The following MACROD2 variants were observed in gnomAD, a reference collection of about 807,000 sequenced individuals.
MACROD2 encodes the protein mono-ADP ribosylhydrolase 2, also known as ADP-ribose glycohydrolase MACROD2.
In MACROD2, 36 loss-of-function variants were observed where a neutral mutation model predicts 70.4. The ratio of observed to expected loss-of-function variants is 0.51; its 90% CI spans 0.39 to 0.68. The LOEUF (loss-of-function observed/expected upper bound fraction) is 0.68. MACROD2 is among the 30% of genes least tolerant of loss of function. MACROD2 has a pLI of 0.00. For synonymous variants in MACROD2, 172 were observed against 178.8 expected, an observed-to-expected ratio of 0.96 and a Z score of 0.30; for missense variants, 496 against 538.4, an observed-to-expected ratio of 0.92 and a Z score of 0.78.
At chr20:14,272,816 T>G (rs199908925) in intron 3 of MACROD2, among the ~76,000 whole-genome samples, 8 of 151,888 alleles carry the variant, frequency 5.3e-5, no homozygotes, top group African/African-American at 1.7e-4. Flanking sequence ...CAAGCAAATG[T>G]AAAACAAAAA....
intron 3 of MACROD2, among the ~76,000 whole-genome samples, chr20:14,264,978 C>T (rs1008823522): frequency 6.6e-6 from 1 of 152,196 alleles, no homozygotes; most frequent in African/African-American, 2.4e-5. Context: ...AATTCCTGGT[C>T]TAGGAAGGCT....
chr20:15,670,536 C>T (rs1234015143), intron 8 of MACROD2, among the ~76,000 whole-genome samples: 1 of 152,206 alleles, frequency 6.6e-6, no homozygotes, highest in Non-Finnish European at 1.5e-5. Flanking sequence ...TTGCCTGTTG[C>T]TGTGGCATAT....
intron 3 of MACROD2, among the ~76,000 whole-genome samples, chr20:14,346,023 G>A (rs1299663114): frequency 2.0e-5 from 3 of 149,112 alleles, no homozygotes; most frequent in Non-Finnish European, 3.0e-5. Flanking sequence ...GAACCTGGGA[G>A]GCAGAGCTTG....
intron 3 of MACROD2, among the ~76,000 whole-genome samples, chr20:14,219,042 G>C (rs2081647671): frequency 6.6e-6 from 1 of 152,144 alleles, no homozygotes; most frequent in African/African-American, 2.4e-5. Context: ...TGAATTTCCT[G>C]GGTGTTCTTT....
intron 8 of MACROD2, among the ~76,000 whole-genome samples, chr20:15,733,119 C>G (rs977406707): frequency 6.6e-6 from 1 of 152,106 alleles, no homozygotes; most frequent in Non-Finnish European, 1.5e-5. Context: ...TCCCTTTCAT[C>G]TAAGTTGTCA....
chr20:14,088,852 G>A lies in MACROD2; in HGVS notation c.271+3124G>A, dbSNP rs1045957113. Among the ~76,000 whole-genome samples the A allele has an allele frequency of 6.0e-5, 9 of 151,248 alleles. No homozygotes were observed. In the East Asian group the frequency reaches 1.7e-3, roughly 29 times the overall value. On this transcript the variant is annotated intron_variant, in intron 3 of 17. Coordinates refer to ENST00000684519, the MANE Select transcript of MACROD2 (RefSeq NM_001351661.2). ...TGAATTTGTAGATCTCTGACTAATA[G>A]GACATTCAGCATTGGAAACGACACA...
chr20:15,573,473 C>G (rs1175890248), intron 8 of MACROD2, among the ~76,000 whole-genome samples: 1 of 152,014 alleles, frequency 6.6e-6, no homozygotes, highest in Non-Finnish European at 1.5e-5. Context: ...AGTTTCCTTT[C>G]CTTAGTTCTC....
At chr20:14,405,929 C>T (rs191616722) in intron 3 of MACROD2, among the ~76,000 whole-genome samples, 281 of 152,114 alleles carry the variant, frequency 1.8e-3, no homozygotes, top group African/African-American at 6.3e-3. Flanking sequence ...TAACTTGAGC[C>T]ATTACTGTGG....
intron 8 of MACROD2, among the ~76,000 whole-genome samples, chr20:15,696,500 G>C (rs1245686341): frequency 1.3e-5 from 2 of 152,064 alleles, no homozygotes; most frequent in African/African-American, 4.8e-5. Context: ...TTGGTCTGTA[G>C]TTTTCTTTTT....
chr20:14,096,772 T>C (rs1398165572), intron 3 of MACROD2, among the ~76,000 whole-genome samples: 1 of 152,202 alleles, frequency 6.6e-6, no homozygotes, highest in Non-Finnish European at 1.5e-5. Context: ...TATCTTAACA[T>C]TGCATGTCCT....
intron 5 of MACROD2, among the ~76,000 whole-genome samples, chr20:14,772,749 G>A (rs1029632214): frequency 4.6e-5 from 7 of 152,048 alleles, no homozygotes; most frequent in Non-Finnish European, 8.8e-5. Flanking sequence ...CAGTGAGTCA[G>A]TGCTATTTTT....
intron 5 of MACROD2, among the ~76,000 whole-genome samples, chr20:15,006,279 C>T (rs2075036955): frequency 6.6e-6 from 1 of 151,592 alleles, no homozygotes. Flanking sequence ...TCCATGACCT[C>T]ACTTTAATGT....
rs189784151 is a variant in MACROD2 at position 14,275,002 on chromosome 20, A to G, written c.271+189274A>G. ...AGCGCTCAATGAAATAAAAGAGGAT[A>G]CAAACAAATGGAAGAACATTCCATG... On this transcript the variant is annotated intron_variant, in intron 3 of 17. Transcript: ENST00000684519. Among the ~76,000 whole-genome samples the G allele has an allele frequency of 1.3e-3, 203 of 152,358 alleles. 2 individuals are homozygous for G. Among genetic ancestry groups the G allele is most frequent in the Non-Finnish European group, 2.4e-3 (160 of 68,028 alleles).
rs537676391 is a variant in MACROD2 at position 15,415,492 on chromosome 20, A to T, written c.541-15913A>T. On this transcript the variant is annotated intron_variant, in intron 6 of 17. Transcript: ENST00000684519. ...GAGGGAGAGGAAAAGTGATGGGCAG[A>T]AATCCTTCCACACACTTTAAAGGAA... 3.3e-5 allele frequency among the ~76,000 whole-genome samples: 5 copies of T among 152,356 alleles called. No homozygotes were observed. The South Asian group carries it at 1.0e-3, about 32-fold the overall frequency.
Position 15,467,301 on chromosome 20 carries a change from C to A in MACROD2, c.572-32473C>A, listed in dbSNP as rs575296259. On this transcript the variant is annotated intron_variant, in intron 7 of 17. Coordinates refer to ENST00000684519, the MANE Select transcript of MACROD2 (RefSeq NM_001351661.2). ...CCAAAGTTTCCCAGTGGGCTGTAGC[C>A]CTAGCTGTCCACAGTGGCAACTGCT... is the stretch of plus-strand genomic sequence containing the variant. Among the ~76,000 whole-genome samples the A allele has an allele frequency of 7.9e-4, 120 of 152,340 alleles. 1 individual carries two copies. The highest frequency in any genetic ancestry group is 1.2e-3 in the Non-Finnish European group (84 of 68,042).
intron 4 of MACROD2, among the ~76,000 whole-genome samples, chr20:14,650,481 G>A (rs188803890): frequency 6.6e-6 from 1 of 152,158 alleles, no homozygotes; most frequent in Non-Finnish European, 1.5e-5. Flanking sequence ...AGAATATATG[G>A]CATAAATTAT....
chr20:14,308,985 C>T (rs902263382), intron 3 of MACROD2, among the ~76,000 whole-genome samples: 1 of 152,078 alleles, frequency 6.6e-6, no homozygotes, highest in African/African-American at 2.4e-5. Flanking sequence ...TATGCATATG[C>T]CACCCTTCAC....
At chr20:14,087,358 T>G (rs1268639577) in intron 3 of MACROD2, among the ~76,000 whole-genome samples, 1 of 150,718 alleles carries the variant, frequency 6.6e-6, no homozygotes, top group Admixed American at 6.6e-5. Context: ...ATCATACCAC[T>G]GCACTCCAGC....
chr20:14,913,356 G>A lies in MACROD2; in HGVS notation c.418+228397G>A, dbSNP rs1322669868. Among the ~76,000 whole-genome samples the A allele has an allele frequency of 3.9e-5, 6 of 151,978 alleles. No individual in the cohort carries two copies. The East Asian group carries it at 5.8e-4, about 15-fold the overall frequency. ...TGTACTTTATATCTCAAAGTTTTCC[G>A]ATATCCTTATTTATGTATTATTTTA... On this transcript the variant is annotated intron_variant, in intron 5 of 17. Coordinates refer to ENST00000684519, the MANE Select transcript of MACROD2 (RefSeq NM_001351661.2).
Sources: gnomAD v4.1 joint callset for allele counts (sites outside exome capture counted in the v4.1 genomes callset) on GRCh38, gnomAD v4.1.1 for gene constraint, MANE v1.5 for transcripts, NCBI Gene and HGNC (gene_info 2026-07-23, HGNC 2026-07-21) for gene names.